CDH13: variants seen among roughly 807,000 people sequenced by gnomAD.
The protein encoded by CDH13 is cadherin-13.
A neutral mutation model predicts 63.8 loss-of-function variants in CDH13; 24 were observed. The ratio of observed to expected loss-of-function variants is 0.38; its 90% CI spans 0.27 to 0.53. The LOEUF is 0.53. Among genes scored for constraint, CDH13 ranks in the 20% least tolerant of loss-of-function variants. The pLI, the probability that CDH13 is intolerant of heterozygous loss-of-function variation, is 0.85. For synonymous variants in CDH13, 503 were observed against 355.3 expected, an observed-to-expected ratio of 1.42 and a Z score of -4.67; for missense variants, 1,049 against 903.1, an observed-to-expected ratio of 1.16 and a Z score of -2.07.
At chr16:83,673,073 T>C (rs1358547693) in intron 9 of CDH13, among the ~76,000 whole-genome samples, 1 of 152,240 alleles carries the variant, frequency 6.6e-6, no homozygotes, top group African/African-American at 2.4e-5. Context: ...AGTACTATAA[T>C]TGCTTATTCA....
At chr16:83,173,707 A>G (rs915679951) in intron 4 of CDH13, among the ~76,000 whole-genome samples, 1 of 152,138 alleles carries the variant, frequency 6.6e-6, no homozygotes, top group African/African-American at 2.4e-5. Context: ...CGAAAACTAT[A>G]GAGAACACAG....
intron 10 of CDH13, among the ~76,000 whole-genome samples, chr16:83,688,694 A>G (rs1330834462): frequency 1.3e-5 from 2 of 152,202 alleles, no homozygotes; most frequent in Non-Finnish European, 2.9e-5. Context: ...GATTGTTTAC[A>G]GTGGTGTCTT....
At position 82,906,260 on chromosome 16, in the gene CDH13, T is replaced by A. The variant is rs144035928; in HGVS notation, c.157+47787T>A. ...TACTAGAAGGTTGATAGATTAATAA[T>A]CTCCCCACTAAGCTTATAGCTTAGC... On this transcript the variant is annotated intron_variant, in intron 2 of 13. Transcript: ENST00000567109. Among the ~76,000 whole-genome samples the A allele has an allele frequency of 3.7e-3, 566 of 152,286 alleles. 3 individuals are homozygous for A. Among genetic ancestry groups the A allele is most frequent in the African/African-American group, 0.013 (540 of 41,552 alleles).
At chr16:83,733,176 G>T (rs1201481057) in intron 10 of CDH13, among the ~76,000 whole-genome samples, 2 of 152,168 alleles carry the variant, frequency 1.3e-5, no homozygotes, top group Non-Finnish European at 2.9e-5. Flanking sequence ...AGTACACAGG[G>T]CTGGGAATGT....
intron 1 of CDH13, among the ~76,000 whole-genome samples, chr16:82,676,826 T>C (rs1913966849): frequency 6.6e-6 from 1 of 152,164 alleles, no homozygotes; most frequent in Admixed American, 6.5e-5. Context: ...GCTGAGACTA[T>C]CATGCACAAA....
intron 8 of CDH13, among the ~76,000 whole-genome samples, chr16:83,647,967 A>C (rs1847956356): frequency 6.6e-6 from 1 of 152,154 alleles, no homozygotes. Flanking sequence ...AAGCCCCACA[A>C]CTGCCTGATA....
chr16:83,011,992 G>A (rs1021381550), intron 2 of CDH13, among the ~76,000 whole-genome samples: 2 of 152,028 alleles, frequency 1.3e-5, no homozygotes, highest in African/African-American at 2.4e-5. Context: ...CACTCTTTTT[G>A]TGTTCAGATC....
At chr16:83,334,850 C>T (rs1317722896) in intron 5 of CDH13, among the ~76,000 whole-genome samples, 1 of 152,074 alleles carries the variant, frequency 6.6e-6, no homozygotes, top group Non-Finnish European at 1.5e-5. Flanking sequence ...GTACTCTTAC[C>T]CACACATCGT....
At chr16:82,957,112 A>G (rs1357274592) in intron 2 of CDH13, among the ~76,000 whole-genome samples, 1 of 152,174 alleles carries the variant, frequency 6.6e-6, no homozygotes, top group Non-Finnish European at 1.5e-5. Context: ...CACCACATCC[A>G]CATTCTATCC....
intron 7 of CDH13, among the ~76,000 whole-genome samples, chr16:83,512,597 G>A (rs948515493): frequency 1.3e-5 from 2 of 150,870 alleles, no homozygotes; most frequent in Admixed American, 1.3e-4. Context: ...GAACCCAGGA[G>A]GTGGAGGTTG....
chr16:82,925,015 A>T (rs2042261592), intron 2 of CDH13, among the ~76,000 whole-genome samples: 1 of 152,172 alleles, frequency 6.6e-6, no homozygotes, highest in Non-Finnish European at 1.5e-5. Context: ...TGATTACTGA[A>T]GTGGGTGGAT....
intron 6 of CDH13, among the ~76,000 whole-genome samples, chr16:83,418,724 G>T (rs940438015): frequency 3.3e-5 from 5 of 152,126 alleles, no homozygotes; most frequent in African/African-American, 1.2e-4. Flanking sequence ...ATATCATGGT[G>T]ATGAGTGCTA....
At chr16:82,968,670 G>A (rs1567704234) in intron 2 of CDH13, among the ~76,000 whole-genome samples, 2 of 152,136 alleles carry the variant, frequency 1.3e-5, no homozygotes, top group African/African-American at 2.4e-5. Context: ...CCCCACCCAG[G>A]CAGGATGAAT....
chr16:82,900,631 GA>G (rs1254067329), intron 2 of CDH13, among the ~76,000 whole-genome samples: 2 of 152,190 alleles, frequency 1.3e-5, no homozygotes, highest in African/African-American at 4.8e-5. Flanking sequence ...AGTGATTGAA[GA>G]TGAGAGAGAG....
chr16:83,209,313 G>A (rs1479587267), intron 4 of CDH13, among the ~76,000 whole-genome samples: 2 of 152,188 alleles, frequency 1.3e-5, no homozygotes, highest in Non-Finnish European at 2.9e-5. Context: ...GGGTTCAGAT[G>A]TTCCTCATAG....
At chr16:83,234,815 G>A (rs1343278151) in intron 5 of CDH13, among the ~76,000 whole-genome samples, 1 of 152,202 alleles carries the variant, frequency 6.6e-6, no homozygotes, top group Non-Finnish European at 1.5e-5. Context: ...CTGGAAAAAG[G>A]TTACATGGTA....
chr16:83,031,316 G>A (rs117797251), intron 2 of CDH13, among the ~76,000 whole-genome samples: 3,216 of 135,902 alleles, frequency 0.024, 111 homozygotes, highest in Non-Finnish European at 0.037. Flanking sequence ...CGCATGCATA[G>A]GCATGTATAT....
chr16:83,553,326 G>C (rs1346932426), intron 7 of CDH13, among the ~76,000 whole-genome samples: 1 of 152,136 alleles, frequency 6.6e-6, no homozygotes, highest in Non-Finnish European at 1.5e-5. Context: ...TTTCATTGTA[G>C]GCAACACAGG....
Position 82,689,725 on chromosome 16 carries a change from G to C in CDH13, c.45+62588G>C, listed in dbSNP as rs553437540. Among the ~76,000 whole-genome samples, 5 of 152,104 alleles carry C rather than the reference G, an allele frequency of 3.3e-5. No homozygotes were observed. In the East Asian group the frequency reaches 9.7e-4, roughly 30 times the overall value. On this transcript the variant is annotated intron_variant, in intron 1 of 13. Coordinates refer to ENST00000567109, the MANE Select transcript of CDH13 (RefSeq NM_001257.5). ...GGGACTCCTGTCCTCAGAGTGCCAGGCCTCACATTTACATTCTGGACAAAC... is the reference window on the plus strand; with the variant it reads ...GGGACTCCTGTCCTCAGAGTGCCAGCCCTCACATTTACATTCTGGACAAAC...
Sources: allele counts gnomAD v4.1 joint callset (sites outside exome capture counted in the v4.1 genomes callset), GRCh38; gene constraint gnomAD v4.1.1; transcripts MANE v1.5; gene names NCBI Gene and HGNC (gene_info 2026-07-23, HGNC 2026-07-21).